POGK: variants seen among roughly 807,000 people sequenced by gnomAD.
POGK encodes pogo transposable element derived with KRAB domain, also known as pogo transposable element with KRAB domain.
POGK carries 16 observed loss-of-function variants against 54.4 expected under a neutral mutation model. That is an observed-to-expected ratio of 0.29 (90% CI 0.20 to 0.45). The LOEUF is 0.45. POGK is among the 20% of genes least tolerant of loss of function. POGK has a pLI of 1.00. For synonymous variants in POGK, 271 were observed against 302.2 expected, an observed-to-expected ratio of 0.90 and a Z score of 1.07; for missense variants, 515 against 795.6, an observed-to-expected ratio of 0.65 and a Z score of 4.24.
intron 1 of POGK, chr1:166,840,577 C>CT (rs1657458757): frequency 6.1e-6 from 1 of 162,776 alleles, no homozygotes; most frequent in African/African-American, 2.4e-5. Flanking sequence ...TCCCCTGCCT[C>CT]TGATTCCTGT....
chr1:166,842,747 G>T (rs762512264), intron 2 of POGK, among the ~76,000 whole-genome samples: 2 of 152,006 alleles, frequency 1.3e-5, no homozygotes, highest in African/African-American at 2.4e-5. Context: ...GACTTGGTGG[G>T]GGTGCGTTGG....
Position 166,854,239 on chromosome 1 carries a change from C to T in POGK, c.*1669C>T, listed in dbSNP as rs1658194638. The T allele has an allele frequency of 6.6e-6, 1 of 152,634 alleles. No homozygotes were observed. Among genetic ancestry groups the T allele is most frequent in the Non-Finnish European group, 1.5e-5 (1 of 68,036 alleles). The allele number at this position is 152,634 out of a possible 1,614,324, so 9.5% of individuals were successfully genotyped here. On this transcript the variant is annotated 3_prime_UTR_variant, in exon 6 of 6. Coordinates refer to ENST00000367876, the MANE Select transcript of POGK (RefSeq NM_017542.5). ...CTCATCATCAGCTGAGCGATGATGC[C>T]TTACAGGTTGCATAGCACTGGAACT...
chr1:166,846,811 G>C lies in POGK; in HGVS notation c.259+73G>C, dbSNP rs1657867679. ...ATTGTTTCCATGCCTCTCTTCTCTGGTATATCCAATGTCCCTCTCTCCTGA... is the reference window on the plus strand; with the variant it reads ...ATTGTTTCCATGCCTCTCTTCTCTGCTATATCCAATGTCCCTCTCTCCTGA... On this transcript the variant is annotated intron_variant, in intron 3 of 5. Transcript: ENST00000367876. 14 of 1,574,122 alleles carry C rather than the reference G, an allele frequency of 8.9e-6. No homozygotes were observed. In the South Asian group the frequency reaches 1.6e-4, roughly 18 times the overall value.
At chr1:166,843,871 GA>G (rs1657715338) in intron 2 of POGK, among the ~76,000 whole-genome samples, 1 of 152,254 alleles carries the variant, frequency 6.6e-6, no homozygotes, top group Admixed American at 6.5e-5. Context: ...GGCAGGGACT[GA>G]AGGTCCCTAC....
intron 4 of POGK, among the ~76,000 whole-genome samples, chr1:166,848,546 C>T (rs1657929775): frequency 6.6e-6 from 1 of 152,218 alleles, no homozygotes; most frequent in Admixed American, 6.5e-5. Flanking sequence ...GTATGGTTAA[C>T]ATTTGGCTTC....
At chr1:166,845,360 A>C (rs1414729852) in intron 2 of POGK, among the ~76,000 whole-genome samples, 3 of 150,894 alleles carry the variant, frequency 2.0e-5, no homozygotes, top group South Asian at 2.1e-4. Flanking sequence ...TCCATCTCAA[A>C]AAAAAAAAAA....
rs933522241 is a variant in POGK at position 166,850,540 on chromosome 1, G to A, written c.*14+117G>A. Reference sequence around the variant, plus strand: ...CCCTTAGAGCCTACAGTGCAGTAGTGTAGATCAGGGGTCCCCAACCCCCAG... The same window carrying A: ...CCCTTAGAGCCTACAGTGCAGTAGTATAGATCAGGGGTCCCCAACCCCCAG... On this transcript the variant is annotated intron_variant, in intron 5 of 5. Coordinates refer to ENST00000367876, the MANE Select transcript of POGK (RefSeq NM_017542.5). 11 of 1,218,746 alleles carry A rather than the reference G, an allele frequency of 9.0e-6. No individual in the cohort carries two copies. The Admixed American group carries it at 2.3e-4, about 26-fold the overall frequency. 75.5% of individuals were successfully genotyped at this position (1,218,746 alleles called of 1,614,324 possible). A position where few individuals can be genotyped will look rare whatever the true frequency, so the allele number is the denominator to read the frequency against.
intron 5 of POGK, 82 bp from the exon 6 acceptor site, chr1:166,852,503 T>G (rs1376268949): frequency 6.6e-6 from 1 of 152,226 alleles, no homozygotes; most frequent in Non-Finnish European, 1.5e-5. Context: ...TTTGGAAATC[T>G]GAATGATGGA....
At chr1:166,850,865 C>CA (rs1344465484) in intron 5 of POGK, 3 of 155,764 alleles carry the variant, frequency 1.9e-5, no homozygotes, top group African/African-American at 7.2e-5. Context: ...TCCCTGGTGC[C>CA]AGAAAAGTTG....
chr1:166,846,861 C>A, intron 3 of POGK, 123 bp downstream of exon 3: 1 of 1,318,576 alleles, frequency 7.6e-7, no homozygotes, highest in Non-Finnish European at 1.1e-6. Flanking sequence ...TCCTCAATGT[C>A]TGTGCCCATT....
intron 2 of POGK, among the ~76,000 whole-genome samples, chr1:166,844,457 A>G (rs1302526387): frequency 6.6e-6 from 1 of 152,186 alleles, no homozygotes; most frequent in Non-Finnish European, 1.5e-5. Flanking sequence ...CTGGCTTTCC[A>G]GGGTGAGGAA....
intron 2 of POGK, among the ~76,000 whole-genome samples, chr1:166,845,099 C>A (rs1465880784): frequency 6.6e-6 from 1 of 152,094 alleles, no homozygotes; most frequent in East Asian, 1.9e-4. Flanking sequence ...CTCGGTATTG[C>A]TGGATCCTTG....
At chr1:166,844,814 G>A (rs1657766555) in intron 2 of POGK, among the ~76,000 whole-genome samples, 1 of 152,132 alleles carries the variant, frequency 6.6e-6, no homozygotes, top group South Asian at 2.1e-4. Flanking sequence ...TGCCCCGGGA[G>A]TGTGGAGCCC....
Position 166,855,584 on chromosome 1 carries a change from C to CAGAT in POGK, c.*3017_*3020dup, listed in dbSNP as rs1200216665. The CAGAT allele has an allele frequency of 1.3e-5, 2 of 152,258 alleles. No homozygotes were observed. Among genetic ancestry groups the CAGAT allele is most frequent in the African/African-American group, 2.4e-5 (1 of 41,438 alleles). The allele number at this position is 152,258 out of a possible 1,614,324, so 9.4% of individuals were successfully genotyped here. ...TTCATAGGAAAATTGGCATGGAGAG[C>CAGAT]AGATAGTAGAGTGTAGACCTGAAAT... On this transcript the variant is annotated 3_prime_UTR_variant, in exon 6 of 6. Transcript: ENST00000367876.
At position 166,841,045 on chromosome 1, in the gene POGK, C is replaced by T. The variant is rs1292441422; in HGVS notation, c.89C>T (p.Pro30Leu). The T allele has an allele frequency of 4.3e-6, 7 of 1,613,912 alleles. No individual in the cohort carries two copies. The highest frequency in any genetic ancestry group is 3.3e-4 in the Middle Eastern group (2 of 6,036). ...EIQSRELEDG[P>L]ADMQKVRICS... is the part of the protein sequence containing the mutation. ...CAGAGCCGGGAACTAGAGGACGGCC[C>T]GGCAGACATGCAGAAAGTACGAATC... Residue 30 changes from proline to leucine, a missense_variant, in exon 2 of 6, where the codon CCG (proline) becomes CTG (leucine). By Grantham distance (98) the Pro-to-Leu change is moderately conservative. Transcript: ENST00000367876.
rs893889050 is a variant in POGK at position 166,854,590 on chromosome 1, A to G, written c.*2020A>G. On this transcript the variant is annotated 3_prime_UTR_variant, in exon 6 of 6. Coordinates refer to ENST00000367876, the MANE Select transcript of POGK (RefSeq NM_017542.5). ...CCAATATATTACATCTTTCAGTCAA[A>G]AAGTGTTCATGAGATGCAGTGTAAG... The G allele has an allele frequency of 6.6e-6, 1 of 152,204 alleles. No individual in the cohort carries two copies. Among genetic ancestry groups the G allele is most frequent in the Admixed American group, 6.5e-5 (1 of 15,274 alleles). The allele number at this position is 152,204 out of a possible 1,614,324, so 9.4% of individuals were successfully genotyped here.
In POGK at chr1:166,855,452, G is replaced by A. The variant is rs1423042267; in HGVS notation, c.*2882G>A. The A allele has an allele frequency of 2.0e-5, 3 of 152,226 alleles. No homozygotes were observed. The highest frequency in any genetic ancestry group is 4.4e-5 in the Non-Finnish European group (3 of 68,038). 9.4% of individuals were successfully genotyped at this position (152,226 alleles called of 1,614,324 possible). A position where few individuals can be genotyped will look rare whatever the true frequency, so the allele number is the denominator to read the frequency against. Reference sequence around the variant, plus strand: ...TTACAGATGGAACCAGCCTTTGGTGGACAGAGTTCAGATGTTTCAGGGGCT... The same window carrying A: ...TTACAGATGGAACCAGCCTTTGGTGAACAGAGTTCAGATGTTTCAGGGGCT... On this transcript the variant is annotated 3_prime_UTR_variant, in exon 6 of 6. Transcript: ENST00000367876.
At position 166,850,382 on chromosome 1, in the gene POGK, C is replaced by G. The variant is rs1314729544; in HGVS notation, c.1803C>G (p.Asp601Glu). 2 of 1,611,114 alleles carry G rather than the reference C, an allele frequency of 1.2e-6. No individual in the cohort carries two copies. Among genetic ancestry groups the G allele is most frequent in the African/African-American group, 2.7e-5 (2 of 74,882 alleles). The stretch of plus-strand genomic sequence containing the variant: ...GAGGAGAACCACCAAAAGATTGTGA[C>G]ACCGAAAGCATGGCTGAGAGCAACT... ...PGGGEPPKDC[D>E]TESMAESN Residue 601 changes from aspartate to glutamate, a missense_variant, in exon 5 of 6, where the codon GAC (aspartate) becomes GAG (glutamate). This residue lies in a region of POGK where 461 missense variants were observed against 743.5 expected (regional missense o/e 0.62). Transcript: ENST00000367876.
rs1657972888 is a variant in POGK at position 166,849,474 on chromosome 1, C to T, written c.895C>T (p.Pro299Ser). 1.2e-6 allele frequency: 2 copies of T among 1,614,086 alleles called. No homozygotes were observed. The highest frequency in any genetic ancestry group is 1.7e-6 in the Non-Finnish European group (2 of 1,180,044). ...ALEIAQEMNI[P>S]EKGFKASLGW... ...CGAAATCGCCCAGGAAATGAACATT[C>T]CAGAGAAAGGGTTCAAGGCAAGCTT... Residue 299 changes from proline (P) to serine (S), a missense_variant, in exon 5 of 6, where the codon CCA (proline) becomes TCA (serine). Physicochemically the swap from Pro to Ser is moderately conservative, Grantham distance 74. Coordinates refer to ENST00000367876, the MANE Select transcript of POGK (RefSeq NM_017542.5).
Sources: gnomAD v4.1 joint callset for allele counts (sites outside exome capture counted in the v4.1 genomes callset) on GRCh38, gnomAD v4.1.1 for gene constraint, gnomAD v4.1.1 regional missense constraint, MANE v1.5 for transcripts, NCBI Gene and HGNC (gene_info 2026-07-23, HGNC 2026-07-21) for gene names.